ANK3: variants seen among roughly 807,000 people sequenced by gnomAD.
ANK3 encodes the protein ankyrin-3.
A neutral mutation model predicts 370.9 loss-of-function variants in ANK3; 57 were observed. That is an observed-to-expected ratio of 0.15 (90% confidence interval 0.12 to 0.19). The LOEUF is 0.19. Ranked by LOEUF, ANK3 falls within the 10% of genes least tolerant of loss-of-function variation. The pLI, the probability that ANK3 is intolerant of heterozygous loss-of-function variation, is 1.00. For synonymous variants in ANK3, 1,929 were observed against 1,946.3 expected, an observed-to-expected ratio of 0.99 and a Z score of 0.23; for missense variants, 4,439 against 5,302.1, an observed-to-expected ratio of 0.84 and a Z score of 5.06.
intron 8 of ANK3, among the ~76,000 whole-genome samples, chr10:60,227,987 A>T (rs1040989703): frequency 6.6e-6 from 1 of 152,196 alleles, no homozygotes; most frequent in Non-Finnish European, 1.5e-5. Context: ...ATAATTTGGA[A>T]CTTACAGCAG....
intron 2 of ANK3, among the ~76,000 whole-genome samples, chr10:60,433,183 C>T (rs1233991822): frequency 6.6e-6 from 1 of 152,142 alleles, no homozygotes; most frequent in Non-Finnish European, 1.5e-5. Context: ...TAACACCAGG[C>T]ATGGTGGTTC....
intron 35 of ANK3, 160 bp downstream of exon 35, chr10:60,081,990 G>C (rs928518277): frequency 4.2e-6 from 2 of 478,346 alleles, no homozygotes; most frequent in African/African-American, 2.0e-5. Flanking sequence ...TGTGGAAGAA[G>C]AGTGAACCAT....
intron 42 of ANK3, chr10:60,043,646 A>C: frequency 5.1e-6 from 5 of 985,450 alleles, no homozygotes; most frequent in Non-Finnish European, 6.0e-6. Flanking sequence ...TCCGATGTGC[A>C]GATCTTGAAC....
intron 1 of ANK3, among the ~76,000 whole-genome samples, chr10:60,635,090 A>T (rs911888558): frequency 6.6e-6 from 1 of 152,210 alleles, no homozygotes; most frequent in African/African-American, 2.4e-5. Context: ...GGTTTATGAT[A>T]CTATTGGGAG....
At chr10:60,133,749 C>T (rs969447362) in intron 25 of ANK3, among the ~76,000 whole-genome samples, 53 of 152,088 alleles carry the variant, frequency 3.5e-4, no homozygotes, top group African/African-American at 1.3e-3. Context: ...GGTGAAACCC[C>T]GTCTCTACTA....
At chr10:60,080,456 T>C (rs771506960) in intron 36 of ANK3, 81 bp downstream of exon 36, 3 of 1,232,460 alleles carry the variant, frequency 2.4e-6, no homozygotes, top group South Asian at 1.3e-5. Flanking sequence ...AGTTTCCAAA[T>C]GATAAAATTT....
intron 18 of ANK3, among the ~76,000 whole-genome samples, chr10:60,175,830 C>T (rs760281805): frequency 5.3e-5 from 8 of 152,324 alleles, no homozygotes; most frequent in Middle Eastern, 6.8e-3. Flanking sequence ...TATTGAACCT[C>T]TCTGTACATT....
chr10:60,066,336 A>T (rs1377072179), intron 38 of ANK3, among the ~76,000 whole-genome samples: 1 of 152,206 alleles, frequency 6.6e-6, no homozygotes, highest in Admixed American at 6.6e-5. Flanking sequence ...ATAATCTAAC[A>T]GTTCTAGGCA....
chr10:60,160,599 CA>C (rs1045718345), intron 23 of ANK3, among the ~76,000 whole-genome samples: 1 of 151,954 alleles, frequency 6.6e-6, no homozygotes, highest in Non-Finnish European at 1.5e-5. Context: ...CACACACACA[CA>C]AAAGGAAACT....
At chr10:60,392,615 C>T (rs906966582), upstream of ANK3, among the ~76,000 whole-genome samples, 3 of 152,156 alleles carry the variant, frequency 2.0e-5, no homozygotes, top group South Asian at 2.1e-4. Flanking sequence ...GGCCCATGCA[C>T]GGAATGTCAA....
At chr10:60,259,524 G>A (rs1396564552) in intron 7 of ANK3, among the ~76,000 whole-genome samples, 2 of 152,194 alleles carry the variant, frequency 1.3e-5, no homozygotes, top group Admixed American at 6.5e-5. Context: ...AACAACGTGG[G>A]TCTGATGTCT....
intron 2 of ANK3, among the ~76,000 whole-genome samples, chr10:60,523,283 AC>A (rs1464686593): frequency 6.6e-6 from 1 of 151,790 alleles, no homozygotes; most frequent in Non-Finnish European, 1.5e-5. Context: ...GTACATGTGC[AC>A]AATGTGCAGG....
rs1438442097 is a variant in ANK3, at chr10:60,240,101, C to T, written c.799-5315G>A. Among the ~76,000 whole-genome samples, 10 of 101,212 alleles carry T rather than the reference C, an allele frequency of 9.9e-5. No individual in the cohort carries two copies. In the East Asian group the frequency reaches 2.7e-3, roughly 27 times the overall value. 66.4% of individuals were successfully genotyped at this position (101,212 alleles called of 152,430 possible). A position where few individuals can be genotyped will look rare whatever the true frequency, so the allele number is the denominator to read the frequency against. ...CATATATACACTATATATACACACA[C>T]ATAAATACATATATATACACACATA... On this transcript the variant is annotated intron_variant, in intron 7 of 43. Coordinates refer to ENST00000280772, the MANE Select transcript of ANK3 (RefSeq NM_020987.5).
At chr10:60,684,695 G>A in intron 1 of ANK3, 1 of 1,587,880 alleles carries the variant, frequency 6.3e-7, no homozygotes, top group Non-Finnish European at 8.6e-7. Flanking sequence ...GTAAACTTGA[G>A]AAATTCTAAA....
chr10:60,622,812 T>A (rs545412133), intron 1 of ANK3, among the ~76,000 whole-genome samples: 82 of 152,282 alleles, frequency 5.4e-4, no homozygotes, highest in African/African-American at 1.9e-3. Context: ...AAGTTATTTT[T>A]CACATGGGAC....
intron 1 of ANK3, among the ~76,000 whole-genome samples, chr10:60,351,105 A>C (rs988383773): frequency 6.6e-6 from 1 of 152,190 alleles, no homozygotes; most frequent in Non-Finnish European, 1.5e-5. Flanking sequence ...TTCAGTGAAA[A>C]TCTTCCAATT....
intron 2 of ANK3, among the ~76,000 whole-genome samples, chr10:60,470,237 G>A (rs1034370204): frequency 6.6e-6 from 1 of 152,040 alleles, no homozygotes; most frequent in Non-Finnish European, 1.5e-5. Flanking sequence ...GCTCTTTGTT[G>A]TTATTTTAGT....
At chr10:60,067,792 T>C in intron 38 of ANK3, 143 bp downstream of exon 38, 1 of 557,192 alleles carries the variant, frequency 1.8e-6, no homozygotes, top group Non-Finnish European at 3.1e-6. Flanking sequence ...TATTTATCTC[T>C]GGGTAGATAA....
intron 1 of ANK3, among the ~76,000 whole-genome samples, chr10:60,665,949 T>C (rs2078990298): frequency 6.6e-6 from 1 of 152,202 alleles, no homozygotes; most frequent in African/African-American, 2.4e-5. Flanking sequence ...AGAACATGTA[T>C]GTGCTATTGG....
Sources: gnomAD v4.1 joint callset for allele counts (sites outside exome capture counted in the v4.1 genomes callset) on GRCh38, gnomAD v4.1.1 for gene constraint, MANE v1.5 for transcripts, NCBI Gene and HGNC (gene_info 2026-07-23, HGNC 2026-07-21) for gene names.